Variants in ALDH3A1 observed in about 807,000 individuals in gnomAD.
The protein encoded by ALDH3A1 is aldehyde dehydrogenase 3 family member A1.
ALDH3A1 carries 46 observed loss-of-function variants against 49.9 expected under a neutral mutation model. The ratio of observed to expected loss-of-function variants is 0.92; its 90% confidence interval spans 0.73 to 1.18. The LOEUF is 1.18. ALDH3A1 is among the 50% of genes most tolerant of loss of function. The pLI, the probability that ALDH3A1 is intolerant of heterozygous loss-of-function variation, is 0.00. For synonymous variants in ALDH3A1, 269 were observed against 253.3 expected (o/e 1.06, Z -0.59); for missense variants, 592 against 611.8 (o/e 0.97, Z 0.34).
intron 1 of ALDH3A1, among the ~76,000 whole-genome samples, chr17:19,746,692 TGTGC>T (rs1340825387): frequency 2.7e-5 from 4 of 146,792 alleles, no homozygotes; most frequent in East Asian, 4.0e-4. Context: ...TGCGTGTGTG[TGTGC>T]GTGCGTGTGT....
intron 3 of ALDH3A1, 193 bp from the exon 4 acceptor site, chr17:19,742,823 C>A (rs116992290): frequency 6.5e-7 from 1 of 1,533,738 alleles, no homozygotes; most frequent in Non-Finnish European, 8.7e-7. Context: ...GGGACACACA[C>A]GGGCACACGC....
At chr17:19,739,484 G>C (rs1285285652) in intron 8 of ALDH3A1, 24 bp downstream of exon 8, 1 of 1,597,694 alleles carries the variant, frequency 6.3e-7, no homozygotes, top group South Asian at 1.1e-5. Context: ...CCCTGGCAGA[G>C]GGCACCCCAG....
Position 19,740,444 on chromosome 17 carries a change from C to T in ALDH3A1, c.841G>A (p.Asp281Asn), listed in dbSNP as rs778744795. 1 of 1,614,018 alleles carries T rather than the reference C, an allele frequency of 6.2e-7. No homozygotes were observed. Among genetic ancestry groups the T allele is most frequent in the African/African-American group, 1.3e-5 (1 of 74,912 alleles). Residue 281 changes from aspartate to asparagine, a missense_variant, in exon 7 of 11, where the codon GAC becomes AAC. Transcript: ENST00000225740. Reference protein sequence around the residue: ...FYGEDAKKSRDYGRIISARHF... With the variant: ...FYGEDAKKSRNYGRIISARHF... ...CGGGCACTAATGATTCTTCCATAGT[C>T]CCGGGATTTCTTAGCATCTTCCCCG...
intron 3 of ALDH3A1, chr17:19,742,921 G>T: frequency 6.6e-7 from 1 of 1,525,316 alleles, no homozygotes; most frequent in Non-Finnish European, 8.8e-7. Context: ...GGGCCCGGTT[G>T]GTAGAACAGC....
intron 2 of ALDH3A1, chr17:19,744,102 A>G: frequency 1.0e-6 from 1 of 985,342 alleles, no homozygotes; most frequent in African/African-American, 1.7e-5. Flanking sequence ...CATTTCTTGA[A>G]AAGTGCAGTA....
Position 19,742,635 on chromosome 17 carries a change from A to G in ALDH3A1, c.395-5T>C, listed in dbSNP as rs539524958. 1 of 1,613,916 alleles carries G rather than the reference A, an allele frequency of 6.2e-7. No homozygotes were observed. The highest frequency in any genetic ancestry group is 8.5e-7 in the Non-Finnish European group (1 of 1,180,004). On this transcript the variant is annotated splice_region_variant and splice_polypyrimidine_tract_variant and intron_variant, in intron 3 of 10. Coordinates refer to ENST00000225740, the MANE Select transcript of ALDH3A1 (RefSeq NM_000691.5). ...GCTTGAGGACCACTGAGTTCCCTGC[A>G]GAGCACACCGAGCCAGGCCTATGCC...
At chr17:19,747,273 G>C (rs531898438) in intron 1 of ALDH3A1, among the ~76,000 whole-genome samples, 1 of 152,062 alleles carries the variant, frequency 6.6e-6, no homozygotes, top group African/African-American at 2.4e-5. Flanking sequence ...GCACAGGGAG[G>C]AGGGACCTGC....
At chr17:19,744,199 T>G in intron 2 of ALDH3A1, 1 of 853,476 alleles carries the variant, frequency 1.2e-6, no homozygotes. Context: ...AGGGCAGGAG[T>G]TCAAGACCAG....
intron 2 of ALDH3A1, chr17:19,744,047 A>T: frequency 1.0e-6 from 1 of 985,340 alleles, no homozygotes; most frequent in Non-Finnish European, 1.2e-6. Flanking sequence ...AGTCAACAGA[A>T]TGGGTTTCCT....
intron 1 of ALDH3A1, among the ~76,000 whole-genome samples, chr17:19,746,624 C>CGT (rs375726934): frequency 5.1e-4 from 75 of 147,458 alleles, no homozygotes; most frequent in Admixed American, 3.5e-3. Flanking sequence ...TGTGTGTGTG[C>CGT]GTGTGTGTGT....
chr17:19,747,285 G>A lies in ALDH3A1; in HGVS notation c.-6+974C>T, dbSNP rs60309529. Among the ~76,000 whole-genome samples the A allele has an allele frequency of 8.6e-3, 1,308 of 152,234 alleles. 18 individuals are homozygous for A. The highest frequency in any genetic ancestry group is 0.052 in the East Asian group (269 of 5,168). On this transcript the variant is annotated intron_variant, in intron 1 of 10. Transcript: ENST00000225740. Reference sequence around the variant, plus strand: ...TCTGCACAGGGAGGAGGGACCTGCTGGCATTGAGGGTGCTCTAAGCCTGGC... The same window carrying A: ...TCTGCACAGGGAGGAGGGACCTGCTAGCATTGAGGGTGCTCTAAGCCTGGC...
At chr17:19,741,478 C>T in intron 5 of ALDH3A1, 1 of 413,058 alleles carries the variant, frequency 2.4e-6, no homozygotes, top group Non-Finnish European at 4.5e-6. Context: ...TTGTCCTGCA[C>T]AGCCAGGTGT....
chr17:19,746,329 G>A (rs578049503), intron 1 of ALDH3A1, among the ~76,000 whole-genome samples: 1 of 152,134 alleles, frequency 6.6e-6, no homozygotes, highest in South Asian at 2.1e-4. Context: ...AGAGGAGGAG[G>A]TTGCAGTGGG....
In ALDH3A1 at chr17:19,745,041, A is replaced by C. The variant is rs1264148006; in HGVS notation, c.89T>G (p.Leu30Arg). Reference sequence around the variant, plus strand: ...CTGGATCAGGCGCTGCAGCGCCTCCAGCTGCTGGATCCGGAACTGCAGCGG... The same window carrying C: ...CTGGATCAGGCGCTGCAGCGCCTCCCGCTGCTGGATCCGGAACTGCAGCGG... ...TRPLQFRIQQ[L>R]EALQRLIQEQ... Residue 30 changes from leucine (L) to arginine (R), a missense_variant, in exon 2 of 11, where the codon CTG becomes CGG. Coordinates refer to ENST00000225740, the MANE Select transcript of ALDH3A1 (RefSeq NM_000691.5). 5 of 1,597,046 alleles carry C rather than the reference A, an allele frequency of 3.1e-6. No homozygotes were observed. The highest frequency in any genetic ancestry group is 4.2e-6 in the Non-Finnish European group (5 of 1,178,876).
intron 1 of ALDH3A1, among the ~76,000 whole-genome samples, chr17:19,746,650 T>C (rs1010118328): frequency 3.4e-5 from 5 of 146,252 alleles, no homozygotes; most frequent in East Asian, 2.0e-4. Context: ...TGTGCGTGTG[T>C]GTGCATGTGT....
intron 6 of ALDH3A1, among the ~76,000 whole-genome samples, chr17:19,740,823 T>C (rs1464746462): frequency 6.6e-6 from 1 of 152,060 alleles, no homozygotes; most frequent in Non-Finnish European, 1.5e-5. Flanking sequence ...GCCACCATGC[T>C]TGGCTAATTT....
chr17:19,739,249 C>T (rs2086445344), intron 8 of ALDH3A1, among the ~76,000 whole-genome samples, 154 bp from the exon 9 acceptor site: 1 of 152,220 alleles, frequency 6.6e-6, no homozygotes, highest in Middle Eastern at 3.2e-3. Flanking sequence ...CTGCAGACCG[C>T]GTGGCTGTCA....
chr17:19,744,663 G>A (rs1189058950), intron 2 of ALDH3A1: 7 of 985,278 alleles, frequency 7.1e-6, no homozygotes, highest in Non-Finnish European at 3.6e-6. Flanking sequence ...GGTCCTGCGT[G>A]GGGCTGAGGA....
In ALDH3A1 at chr17:19,741,989, G is replaced by GC. The variant is rs1418330690; in HGVS notation, c.689+14dup. ...GAGTAAGGACTGCTGCAGCCAGCAG[G>GC]CCCGTGCCTCTCACCGGCAGGCCAC... On this transcript the variant is annotated intron_variant, in intron 5 of 10. Transcript: ENST00000225740. 1 of 1,612,710 alleles carries GC rather than the reference G, an allele frequency of 6.2e-7. No individual in the cohort carries two copies. Among genetic ancestry groups the GC allele is most frequent in the Non-Finnish European group, 8.5e-7 (1 of 1,179,320 alleles).
Sources: allele counts gnomAD v4.1 joint callset (sites outside exome capture counted in the v4.1 genomes callset), GRCh38; gene constraint gnomAD v4.1.1; transcripts MANE v1.5; gene names NCBI Gene and HGNC (gene_info 2026-07-23, HGNC 2026-07-21).